Variants in SLC37A3 observed in about 807,000 individuals in gnomAD.
SLC37A3 encodes solute carrier family 37 member 3, also known as sugar phosphate exchanger 3.
SLC37A3 carries 51 observed loss-of-function variants against 67.1 expected under a neutral mutation model. The observed-to-expected ratio is 0.76, with a 90% CI of 0.61 to 0.96. The LOEUF is 0.96. Ranked by LOEUF, SLC37A3 falls within the 40% of genes least tolerant of loss-of-function variation. The probability of loss-of-function intolerance (pLI) is 0.00; values close to 1 mark genes in which losing one functional copy is unlikely to be tolerated. For missense variants in SLC37A3, 508 were observed against 603.0 expected (o/e 0.84, Z 1.65); for synonymous variants, 214 against 231.4 (o/e 0.92, Z 0.68).
chr7:140,347,929 C>T (rs763829210), intron 10 of SLC37A3, among the ~76,000 whole-genome samples: 1 of 152,126 alleles, frequency 6.6e-6, no homozygotes, highest in Non-Finnish European at 1.5e-5. Context: ...CCCGTGGATA[C>T]CTGAAACCAC....
chr7:140,351,903 A>AC, intron 8 of SLC37A3, 159 bp downstream of exon 8: 1 of 760,104 alleles, frequency 1.3e-6, no homozygotes, highest in Non-Finnish European at 2.3e-6. Flanking sequence ...GGCTGGCTAC[A>AC]ATGTCGACAG....
chr7:140,351,226 G>C (rs372005159), intron 9 of SLC37A3, 47 bp downstream of exon 9: 28 of 1,560,680 alleles, frequency 1.8e-5, no homozygotes, highest in Non-Finnish European at 2.3e-5. Context: ...GAGATGTCAC[G>C]GGCTCTCATA....
chr7:140,359,095 G>A (rs1282841311), intron 5 of SLC37A3, among the ~76,000 whole-genome samples: 1 of 152,186 alleles, frequency 6.6e-6, no homozygotes, highest in African/African-American at 2.4e-5. Context: ...TGTAATCTCA[G>A]CACTTTGGGA....
intron 5 of SLC37A3, among the ~76,000 whole-genome samples, chr7:140,360,087 C>T (rs1158929302): frequency 5.3e-5 from 8 of 152,164 alleles, no homozygotes; most frequent in African/African-American, 1.7e-4. Flanking sequence ...GGACTTGTGC[C>T]GGTAATTCCA....
intron 1 of SLC37A3, among the ~76,000 whole-genome samples, chr7:140,392,589 G>A (rs1020550186): frequency 3.9e-5 from 6 of 152,008 alleles, no homozygotes; most frequent in Admixed American, 6.6e-5. Context: ...CCAAGACTGA[G>A]ACAAAAAGAC....
chr7:140,393,833 C>G (rs900947168), intron 1 of SLC37A3, among the ~76,000 whole-genome samples: 1 of 152,184 alleles, frequency 6.6e-6, no homozygotes, highest in Admixed American at 6.5e-5. Context: ...CTGAGTCTCA[C>G]AGCCACATCC....
chr7:140,359,983 TA>T (rs1203592935), intron 5 of SLC37A3, among the ~76,000 whole-genome samples: 2 of 152,170 alleles, frequency 1.3e-5, no homozygotes, highest in Admixed American at 1.3e-4. Context: ...CATAAATAAA[TA>T]AAGTGCTTCC....
chr7:140,359,274 T>C (rs113242161), intron 5 of SLC37A3, among the ~76,000 whole-genome samples: 4,230 of 144,540 alleles, frequency 0.029, 228 homozygotes, highest in African/African-American at 0.1. Context: ...ACCTGGGAGG[T>C]GGAGCTTGCA....
At chr7:140,389,823 T>G (rs771793211) in intron 1 of SLC37A3, among the ~76,000 whole-genome samples, 1 of 152,034 alleles carries the variant, frequency 6.6e-6, no homozygotes, top group African/African-American at 2.4e-5. Flanking sequence ...GTATTTAGAG[T>G]CCTTTCCAAC....
intron 3 of SLC37A3, among the ~76,000 whole-genome samples, chr7:140,375,596 G>A (rs978496815): frequency 2.6e-5 from 4 of 152,184 alleles, no homozygotes; most frequent in African/African-American, 7.2e-5. Flanking sequence ...GTTGTAACAA[G>A]GTTCAAGGGT....
intron 1 of SLC37A3, among the ~76,000 whole-genome samples, chr7:140,393,400 G>A (rs1228068690): frequency 1.8e-4 from 27 of 152,200 alleles, no homozygotes; most frequent in Admixed American, 1.7e-3. Context: ...GGGCAGCTGG[G>A]TGGTTCCCAA....
intron 1 of SLC37A3, among the ~76,000 whole-genome samples, chr7:140,393,657 T>C (rs1336034439): frequency 6.6e-6 from 1 of 152,136 alleles, no homozygotes; most frequent in Non-Finnish European, 1.5e-5. Context: ...CCCCCTAGAG[T>C]GAGCTCCCTG....
intron 13 of SLC37A3, among the ~76,000 whole-genome samples, chr7:140,341,374 C>T (rs928607264): frequency 2.0e-5 from 3 of 152,116 alleles, no homozygotes; most frequent in South Asian, 2.1e-4. Context: ...AGCAGAGCAC[C>T]TGTCACGGTG....
chr7:140,337,238 T>C lies in SLC37A3; in HGVS notation c.1392+46A>G, dbSNP rs1449210577. 4 of 1,474,376 alleles carry C rather than the reference T, an allele frequency of 2.7e-6. No individual in the cohort carries two copies. The African/African-American group carries it at 4.4e-5, about 16-fold the overall frequency. The allele number at this position is 1,474,376 out of a possible 1,614,324, so 91.3% of individuals were successfully genotyped here. A position where few individuals can be genotyped will look rare whatever the true frequency, so the allele number is the denominator to read the frequency against. ...ACTTAAGTAAGTGCTTTGAACTTAA[T>C]TAACAGAAAAATGACTTTTTTTTTT... On this transcript the variant is annotated intron_variant, in intron 14 of 14. Transcript: ENST00000326232.
chr7:140,364,458 A>G lies in SLC37A3; in HGVS notation c.325T>C (p.Leu109=). ...LFISGIVGDR[L]NLRWVLSFGM... is the part of the protein sequence containing the mutation. ...AAAGACAGAACCCATCGCAAATTCA[A>G]CCGATCCCCAACGATGCCACTGATG... Residue 109 remains leucine, a synonymous_variant, in exon 5 of 15, where the codon TTG becomes CTG. Transcript: ENST00000326232. 2 of 1,614,034 alleles carry G rather than the reference A, an allele frequency of 1.2e-6. 1 individual carries two copies. Among genetic ancestry groups the G allele is most frequent in the South Asian group, 2.2e-5 (2 of 91,074 alleles).
intron 3 of SLC37A3, among the ~76,000 whole-genome samples, chr7:140,372,740 G>A (rs1054053309): frequency 6.6e-6 from 1 of 151,828 alleles, no homozygotes; most frequent in Non-Finnish European, 1.5e-5. Context: ...GTGGGCGCCT[G>A]TAATCCCAGC....
chr7:140,342,775 C>A (rs1466853093), intron 13 of SLC37A3, among the ~76,000 whole-genome samples: 1 of 152,078 alleles, frequency 6.6e-6, no homozygotes, highest in Non-Finnish European at 1.5e-5. Context: ...CACCAAGAAG[C>A]CTTGTTGAAA....
At chr7:140,348,935 T>C (rs191327371) in intron 9 of SLC37A3, among the ~76,000 whole-genome samples, 168 bp from the exon 10 acceptor site, 5 of 152,334 alleles carry the variant, frequency 3.3e-5, no homozygotes, top group East Asian at 1.9e-4. Flanking sequence ...TCAGCTAGTC[T>C]CCCTCTGCTC....
At chr7:140,378,052 G>A (rs1253819518) in intron 3 of SLC37A3, among the ~76,000 whole-genome samples, 1 of 152,092 alleles carries the variant, frequency 6.6e-6, no homozygotes, top group Non-Finnish European at 1.5e-5. Flanking sequence ...ACCAAACTAG[G>A]GGTGGTCTTG....
Sources: gnomAD v4.1 joint callset for allele counts (sites outside exome capture counted in the v4.1 genomes callset) on GRCh38, gnomAD v4.1.1 for gene constraint, MANE v1.5 for transcripts, NCBI Gene and HGNC (gene_info 2026-07-23, HGNC 2026-07-21) for gene names.